The following COL22A1 variants were observed in gnomAD, a reference collection of about 807,000 sequenced individuals.
COL22A1 encodes collagen type XXII alpha 1 chain, also known as collagen alpha-1(XXII) chain.
In COL22A1, 221 loss-of-function variants were observed where a neutral mutation model predicts 248.9. The observed-to-expected ratio is 0.89, with a 90% confidence interval of 0.80 to 0.99. COL22A1 has a LOEUF of 0.99. COL22A1 is among the 50% of genes least tolerant of loss of function. The pLI, the probability that COL22A1 is intolerant of heterozygous loss-of-function variation, is 0.00. For missense variants in COL22A1, 2,240 were observed against 2,179.0 expected, an observed-to-expected ratio of 1.03 and a Z score of -0.56; for synonymous variants, 891 against 793.4, an observed-to-expected ratio of 1.12 and a Z score of -2.07.
chr8:138,652,940 T>G (rs573486021), intron 45 of COL22A1, among the ~76,000 whole-genome samples: 1 of 151,380 alleles, frequency 6.6e-6, no homozygotes, highest in Admixed American at 6.6e-5. Context: ...AGAGACGGGG[T>G]TTTCCCAAGT....
intron 62 of COL22A1, among the ~76,000 whole-genome samples, chr8:138,596,089 A>T (rs750496005): frequency 6.6e-5 from 10 of 152,140 alleles, no homozygotes; most frequent in Non-Finnish European, 1.3e-4. Flanking sequence ...GCCTCATGAG[A>T]TTGTTTGGAG....
intron 58 of COL22A1, among the ~76,000 whole-genome samples, chr8:138,606,150 A>G (rs998829647): frequency 3.3e-5 from 5 of 152,210 alleles, no homozygotes; most frequent in Admixed American, 2.0e-4. Flanking sequence ...AGGTTATGAC[A>G]CTTTCCTAAG....
chr8:138,693,713 AAAAG>A lies in COL22A1; in HGVS notation c.2701-18_2701-15del, dbSNP rs1443774962. ...TCCCTTGGCACCCTGCACAGGAAAT[AAAAG>A]AGGGGCGGGGGTAAGACACCCTCAG... On this transcript the variant is annotated splice_polypyrimidine_tract_variant and intron_variant, in intron 34 of 64. Coordinates refer to ENST00000303045, the MANE Select transcript of COL22A1 (RefSeq NM_152888.3). The A allele has an allele frequency of 6.4e-7, 1 of 1,563,316 alleles. No homozygotes were observed. Among genetic ancestry groups the A allele is most frequent in the South Asian group, 1.2e-5 (1 of 84,768 alleles).
In COL22A1 at chr8:138,901,374, T is replaced by TTTTG. The variant is rs1237775733; in HGVS notation, c.-73+12244_-73+12245insCAAA. ...TACTGGCAGGTTTTTTTTTTGTTTT[T>TTTTG]TTTTTTTTTTGAGACAGTCTCTCAC... is the stretch of plus-strand genomic sequence containing the variant. On this transcript the variant is annotated intron_variant, in intron 1 of 64. Coordinates refer to ENST00000303045, the MANE Select transcript of COL22A1 (RefSeq NM_152888.3). Among the ~76,000 whole-genome samples, 27 of 139,052 alleles carry TTTTG rather than the reference T, an allele frequency of 1.9e-4. 1 individual carries two copies. The highest frequency in any genetic ancestry group is 6.3e-4 in the East Asian group (3 of 4,792). 91.2% of individuals were successfully genotyped at this position (139,052 alleles called of 152,430 possible).
chr8:138,722,113 A>C, intron 25 of COL22A1, 24 bp from the exon 26 acceptor site: 1 of 1,554,332 alleles, frequency 6.4e-7, no homozygotes, highest in Non-Finnish European at 8.7e-7. Flanking sequence ...GGAAAACATA[A>C]ATAAAAAGGA....
intron 41 of COL22A1, among the ~76,000 whole-genome samples, chr8:138,669,595 C>T (rs1309439076): frequency 6.6e-6 from 1 of 152,180 alleles, no homozygotes; most frequent in Non-Finnish European, 1.5e-5. Context: ...CCTGCTTTGT[C>T]TCTCACTAGC....
At chr8:138,700,081 C>T in intron 32 of COL22A1, 31 bp downstream of exon 32, 1 of 1,610,680 alleles carries the variant, frequency 6.2e-7, no homozygotes, top group African/African-American at 1.3e-5. Flanking sequence ...CCGAGGCACA[C>T]TGGGCACCCC....
intron 20 of COL22A1, 126 bp from the exon 21 acceptor site, chr8:138,755,336 A>G (rs1832911808): frequency 7.9e-7 from 1 of 1,261,362 alleles, no homozygotes; most frequent in Non-Finnish European, 1.2e-6. Context: ...GAGTAGAGGT[A>G]TGGGAGTGGG....
At chr8:138,732,015 A>G (rs751389527) in intron 23 of COL22A1, among the ~76,000 whole-genome samples, 1 of 152,212 alleles carries the variant, frequency 6.6e-6, no homozygotes, top group Non-Finnish European at 1.5e-5. Flanking sequence ...AAGTTTCCCA[A>G]TGAAACCAGA....
intron 11 of COL22A1, 30 bp downstream of exon 11, chr8:138,802,842 A>G (rs767145552): frequency 7.5e-6 from 12 of 1,591,262 alleles, no homozygotes; most frequent in Non-Finnish European, 8.6e-6. Context: ...CCTGAGGTTC[A>G]GCCATGTAGA....
At chr8:138,655,809 T>C in intron 45 of COL22A1, 88 bp downstream of exon 45, 1 of 1,118,728 alleles carries the variant, frequency 8.9e-7, no homozygotes, top group Non-Finnish European at 1.4e-6. Flanking sequence ...CAAATAGTTG[T>C]TCAAAAAAAA....
intron 47 of COL22A1, among the ~76,000 whole-genome samples, chr8:138,643,626 A>ATAGATAGATAGG (rs1325766860): frequency 2.1e-4 from 13 of 61,472 alleles, no homozygotes; most frequent in African/African-American, 5.7e-4. Context: ...AGATAGATAG[A>ATAGATAGATAGG]TAGATAGATA....
chr8:138,805,273 T>C (rs1056578546), intron 10 of COL22A1, among the ~76,000 whole-genome samples: 2 of 122,440 alleles, frequency 1.6e-5, no homozygotes, highest in African/African-American at 8.1e-5. Flanking sequence ...TGCATGTGTG[T>C]GTGTGTGATG....
chr8:138,812,731 C>T (rs1315188867), intron 8 of COL22A1, among the ~76,000 whole-genome samples: 5 of 152,158 alleles, frequency 3.3e-5, no homozygotes, highest in African/African-American at 1.2e-4. Flanking sequence ...TGGGGTTACA[C>T]TGACTAAGGT....
At chr8:138,776,918 G>C (rs2131502491) in intron 15 of COL22A1, among the ~76,000 whole-genome samples, 1 of 152,356 alleles carries the variant, frequency 6.6e-6, no homozygotes. Flanking sequence ...CCTACTCTGA[G>C]AAGCAGAAGG....
At chr8:138,755,747 A>C in intron 19 of COL22A1, 38 bp downstream of exon 19, 1 of 1,609,076 alleles carries the variant, frequency 6.2e-7, no homozygotes, top group African/African-American at 1.3e-5. Context: ...CAATCCCACC[A>C]GCACCTGCAT....
At chr8:138,607,410 C>A (rs1477759958) in intron 57 of COL22A1, among the ~76,000 whole-genome samples, 2 of 152,180 alleles carry the variant, frequency 1.3e-5, no homozygotes, top group African/African-American at 4.8e-5. Flanking sequence ...CCTACCAGGA[C>A]TGAACCCCAA....
chr8:138,907,668 C>A (rs967496131), intron 1 of COL22A1, among the ~76,000 whole-genome samples: 2 of 152,166 alleles, frequency 1.3e-5, no homozygotes, highest in African/African-American at 4.8e-5. Context: ...ACAGACTGGG[C>A]AATTTATTAA....
At chr8:138,614,523 G>A (rs1819152563) in intron 55 of COL22A1, among the ~76,000 whole-genome samples, 1 of 152,202 alleles carries the variant, frequency 6.6e-6, no homozygotes, top group African/African-American at 2.4e-5. Context: ...TAAGATGGAG[G>A]GAAGGAAGCA....
Sources: gnomAD v4.1 joint callset for allele counts (sites outside exome capture counted in the v4.1 genomes callset) on GRCh38, gnomAD v4.1.1 for gene constraint, MANE v1.5 for transcripts, NCBI Gene and HGNC (gene_info 2026-07-23, HGNC 2026-07-21) for gene names.